SHISA9: variants seen among roughly 807,000 people sequenced by gnomAD.
SHISA9 encodes the protein shisa family member 9.
A neutral mutation model predicts 38.0 loss-of-function variants in SHISA9; 13 were observed. That is an observed-to-expected ratio of 0.34 (90% CI 0.22 to 0.54). The LOEUF (loss-of-function observed/expected upper bound fraction) is 0.54. SHISA9 is among the 20% of genes least tolerant of loss of function. The pLI is 0.91. For synonymous variants in SHISA9, 275 were observed against 242.0 expected (o/e 1.14, Z -1.27); for missense variants, 538 against 575.8 (o/e 0.93, Z 0.67).
the SHISA9 span, among the ~76,000 whole-genome samples, chr16:13,531,628 C>G: frequency 6.6e-6 from 1 of 152,116 alleles, no homozygotes; most frequent in East Asian, 1.9e-4. Context: ...TAAACAAAGT[C>G]AAGGCAAATT....
the SHISA9 span, among the ~76,000 whole-genome samples, chr16:13,315,293 A>G: frequency 6.6e-6 from 1 of 152,238 alleles, no homozygotes; most frequent in Non-Finnish European, 1.5e-5. Flanking sequence ...AATAATCCTT[A>G]CTTTCTAGAG....
intron 2 of SHISA9, among the ~76,000 whole-genome samples, chr16:12,979,338 G>A (rs1464751679): frequency 1.3e-5 from 2 of 151,858 alleles, no homozygotes; most frequent in South Asian, 4.2e-4. Context: ...CACAAAACTG[G>A]ACTGCTTATG....
At chr16:13,288,423 T>C in the SHISA9 span, among the ~76,000 whole-genome samples, 1 of 150,112 alleles carries the variant, frequency 6.7e-6, no homozygotes, top group Admixed American at 6.6e-5. Context: ...GAGAAGAAGA[T>C]AGGGATTGGG....
At chr16:13,493,145 A>T in the SHISA9 span, among the ~76,000 whole-genome samples, 39 of 152,356 alleles carry the variant, frequency 2.6e-4, no homozygotes, top group Admixed American at 1.9e-3. Context: ...GGTGCTCAGA[A>T]ACTGGATGAA....
At chr16:13,372,937 C>T in the SHISA9 span, among the ~76,000 whole-genome samples, 1 of 150,658 alleles carries the variant, frequency 6.6e-6, no homozygotes, top group Non-Finnish European at 1.5e-5. Context: ...AGTGTATGTA[C>T]CTCATAAATA....
At chr16:12,930,053 A>G (rs186623013) in intron 2 of SHISA9, among the ~76,000 whole-genome samples, 1 of 152,122 alleles carries the variant, frequency 6.6e-6, no homozygotes. Flanking sequence ...ATCATAGTTC[A>G]TATACTACCT....
At chr16:13,289,341 T>C in the SHISA9 span, among the ~76,000 whole-genome samples, 1 of 132,940 alleles carries the variant, frequency 7.5e-6, no homozygotes, top group African/African-American at 2.8e-5. Flanking sequence ...CTGAGTCCTG[T>C]CTGGCACTCA....
In SHISA9 at chr16:13,235,062, C is replaced by T. The variant is rs1459953538; in HGVS notation, c.928C>T (p.Arg310Ter). 1 of 1,551,138 alleles carries T rather than the reference C, an allele frequency of 6.4e-7. No homozygotes were observed. The highest frequency in any genetic ancestry group is 8.7e-7 in the Non-Finnish European group (1 of 1,146,776). Residue 310 changes from arginine to a stop codon, truncating the protein, a stop_gained, in exon 5 of 5, where the codon CGA (arginine) becomes TGA (stop). Coordinates refer to ENST00000558583, the MANE Select transcript of SHISA9 (RefSeq NM_001145204.3). LOFTEE classifies it high-confidence loss of function. ...DKVNDDFYTK[R>*]RHLAELAAKG... is the part of the protein sequence containing the mutation. ...GGTCAATGACGACTTCTACACCAAG[C>T]GACGGCACCTGGCTGAGCTGGCTGC...
intron 2 of SHISA9, among the ~76,000 whole-genome samples, chr16:12,993,216 G>C (rs183987240): frequency 9.1e-6 from 1 of 110,038 alleles, no homozygotes; most frequent in Non-Finnish European, 2.0e-5. Flanking sequence ...TTGAAATAAG[G>C]GTTTGATTTT....
At chr16:13,112,758 A>C (rs1286090434) in intron 2 of SHISA9, among the ~76,000 whole-genome samples, 2 of 152,102 alleles carry the variant, frequency 1.3e-5, no homozygotes, top group Non-Finnish European at 2.9e-5. Flanking sequence ...TGCCTTTCAG[A>C]GGCCATTAAA....
intron 2 of SHISA9, among the ~76,000 whole-genome samples, chr16:13,192,344 C>G (rs548171450): frequency 3.4e-4 from 52 of 151,870 alleles, no homozygotes; most frequent in African/African-American, 1.2e-3. Flanking sequence ...GCCCATGTAA[C>G]AAATATGCAC....
intron 2 of SHISA9, among the ~76,000 whole-genome samples, chr16:12,928,493 A>G (rs1043692137): frequency 6.6e-6 from 1 of 152,238 alleles, no homozygotes; most frequent in Non-Finnish European, 1.5e-5. Context: ...GTCATTGAAT[A>G]TTTAGGACAC....
chr16:12,934,601 T>C (rs1460359180), intron 2 of SHISA9, among the ~76,000 whole-genome samples: 3 of 152,226 alleles, frequency 2.0e-5, no homozygotes, highest in Non-Finnish European at 2.9e-5. Flanking sequence ...CTTTCTATGG[T>C]GGCAAATTCG....
intron 2 of SHISA9, among the ~76,000 whole-genome samples, chr16:13,176,652 A>G (rs1385145572): frequency 6.6e-6 from 1 of 151,914 alleles, no homozygotes; most frequent in Non-Finnish European, 1.5e-5. Context: ...TTACATAACT[A>G]GTGATGCCCA....
intron 4 of SHISA9, among the ~76,000 whole-genome samples, chr16:13,213,780 CAG>C (rs2051142403): frequency 6.6e-6 from 1 of 152,122 alleles, no homozygotes. Context: ...GCGTGGTGAG[CAG>C]AGAGGGTTAG....
chr16:12,904,828 T>A (rs1036128712), intron 1 of SHISA9, among the ~76,000 whole-genome samples: 1 of 152,222 alleles, frequency 6.6e-6, no homozygotes, highest in African/African-American at 2.4e-5. Flanking sequence ...CACCCTAGGC[T>A]ACTTAGATCC....
chr16:13,268,354 A>G, the SHISA9 span, among the ~76,000 whole-genome samples: 1 of 152,170 alleles, frequency 6.6e-6, no homozygotes, highest in Non-Finnish European at 1.5e-5. Flanking sequence ...TCCAAAATAT[A>G]CAAAAATTAG....
intron 2 of SHISA9, among the ~76,000 whole-genome samples, chr16:13,051,923 C>A (rs2141899890): frequency 6.6e-6 from 1 of 152,242 alleles, no homozygotes; most frequent in South Asian, 2.1e-4. Context: ...CGCCACCACA[C>A]TCTTCTAATT....
chr16:13,429,782 C>T, the SHISA9 span, among the ~76,000 whole-genome samples: 1 of 152,136 alleles, frequency 6.6e-6, no homozygotes, highest in African/African-American at 2.4e-5. Context: ...TGAATTAAGA[C>T]AGTTTGCAGA....
Sources: gnomAD v4.1 joint callset for allele counts (sites outside exome capture counted in the v4.1 genomes callset) on GRCh38, gnomAD v4.1.1 for gene constraint, MANE v1.5 for transcripts, NCBI Gene and HGNC (gene_info 2026-07-23, HGNC 2026-07-21) for gene names.